Variants in THNSL1 observed in about 807,000 individuals in gnomAD.
THNSL1 encodes threonine synthase-like 1.
THNSL1 carries 48 observed loss-of-function variants against 50.4 expected under a neutral mutation model. The observed-to-expected ratio is 0.95, with a 90% CI of 0.76 to 1.21. The LOEUF (loss-of-function observed/expected upper bound fraction) is 1.21. Among genes scored for constraint, THNSL1 ranks in the 50% most tolerant of loss-of-function variants. THNSL1 has a pLI of 0.00. For missense variants in THNSL1, 896 were observed against 871.7 expected (o/e 1.03, Z -0.35); for synonymous variants, 309 against 306.1 (o/e 1.01, Z -0.10).
the THNSL1 span, among the ~76,000 whole-genome samples, chr10:24,995,005 C>T: frequency 6.6e-6 from 1 of 152,038 alleles, no homozygotes; most frequent in Non-Finnish European, 1.5e-5. Context: ...TGGGAAACAG[C>T]ATGAGAATAT....
At chr10:25,010,325 G>A in the THNSL1 span, among the ~76,000 whole-genome samples, 99 of 152,244 alleles carry the variant, frequency 6.5e-4, no homozygotes, top group Admixed American at 5.7e-3. Context: ...AGATGATTCC[G>A]GGCATCTGAT....
the THNSL1 span, among the ~76,000 whole-genome samples, chr10:24,990,987 C>A: frequency 6.6e-6 from 1 of 152,194 alleles, no homozygotes; most frequent in Non-Finnish European, 1.5e-5. Flanking sequence ...GTAGTCCCAG[C>A]TATTCGGGTG....
At chr10:24,955,512 G>A in the THNSL1 span, among the ~76,000 whole-genome samples, 2 of 152,198 alleles carry the variant, frequency 1.3e-5, no homozygotes, top group African/African-American at 4.8e-5. Context: ...ATGATGAGAT[G>A]AATGTGAGAT....
chr10:24,954,353 C>G, the THNSL1 span, among the ~76,000 whole-genome samples: 1 of 151,948 alleles, frequency 6.6e-6, no homozygotes, highest in Non-Finnish European at 1.5e-5. Flanking sequence ...TTAGGGGATT[C>G]CACTAGACCA....
chr10:25,000,218 C>G, the THNSL1 span, among the ~76,000 whole-genome samples: 2 of 152,032 alleles, frequency 1.3e-5, no homozygotes, highest in Non-Finnish European at 2.9e-5. Context: ...TTTGAATTTT[C>G]TGACATTTGT....
At chr10:24,952,752 A>G in the THNSL1 span, 4 of 615,718 alleles carry the variant, frequency 6.5e-6, no homozygotes, top group East Asian at 6.7e-5. This position sits in a 1 kb window ranked among gnomAD's most constrained non-coding sequence, Gnocchi z 5.1. Context: ...ACGCGGATCC[A>G]TGGCCCCGGC....
the THNSL1 span, among the ~76,000 whole-genome samples, chr10:24,978,485 C>A: frequency 6.7e-6 from 1 of 150,298 alleles, no homozygotes; most frequent in Non-Finnish European, 1.5e-5. Context: ...TCTCTGTCTT[C>A]TTTTCTTCTC....
At chr10:24,960,389 G>T in the THNSL1 span, among the ~76,000 whole-genome samples, 1 of 151,970 alleles carries the variant, frequency 6.6e-6, no homozygotes, top group East Asian at 1.9e-4. Flanking sequence ...AAGGAACTGG[G>T]TTCCTTGTGT....
At chr10:25,016,208 A>T, upstream of THNSL1, 5 of 1,161,768 alleles carry the variant, frequency 4.3e-6, no homozygotes, top group Non-Finnish European at 4.2e-6. Context: ...GGCAGGCAGC[A>T]CCGCAAACTA....
At chr10:25,016,441 A>G (rs1292657824), upstream of THNSL1, among the ~76,000 whole-genome samples, 1 of 152,244 alleles carries the variant, frequency 6.6e-6, no homozygotes, top group South Asian at 2.1e-4. Flanking sequence ...TTTTGTGAGC[A>G]GGCCCCAATC....
chr10:25,023,122 A>G (rs1272216067), intron 2 of THNSL1, 54 bp from the exon 3 acceptor site: 1 of 1,162,202 alleles, frequency 8.6e-7, no homozygotes, highest in Non-Finnish European at 1.2e-6. Flanking sequence ...ATCTACTGTA[A>G]TTAGTAACCA....
the THNSL1 span, among the ~76,000 whole-genome samples, chr10:24,959,891 A>G: frequency 7.9e-5 from 12 of 152,358 alleles, 4 homozygotes; most frequent in Admixed American, 7.2e-4. Context: ...TCGTAAAAAT[A>G]TATAATAGGA....
chr10:24,984,752 T>A, the THNSL1 span: 5 of 1,610,076 alleles, frequency 3.1e-6, no homozygotes, highest in Non-Finnish European at 4.2e-6. Flanking sequence ...GCAATATAAA[T>A]AATCTTGTGC....
intron 1 of THNSL1, among the ~76,000 whole-genome samples, chr10:25,020,570 C>T (rs1850699803): frequency 6.6e-6 from 1 of 151,860 alleles, no homozygotes; most frequent in African/African-American, 2.4e-5. Context: ...AGTTCGAGAT[C>T]AGTCTGGGCA....
the THNSL1 span, among the ~76,000 whole-genome samples, chr10:25,005,143 G>A: frequency 6.6e-6 from 1 of 152,112 alleles, no homozygotes; most frequent in Non-Finnish European, 1.5e-5. Context: ...CCAGTACCAT[G>A]CTGTTTTGGT....
At chr10:24,974,363 A>G in the THNSL1 span, among the ~76,000 whole-genome samples, 1 of 152,198 alleles carries the variant, frequency 6.6e-6, no homozygotes, top group Non-Finnish European at 1.5e-5. Flanking sequence ...GGGGATTGTA[A>G]TAATAAAATA....
At chr10:24,960,062 C>T in the THNSL1 span, among the ~76,000 whole-genome samples, 1 of 151,910 alleles carries the variant, frequency 6.6e-6, no homozygotes, top group Non-Finnish European at 1.5e-5. Flanking sequence ...CCCCCTTTCC[C>T]ATTTTTGCCA....
chr10:25,024,052 T>C lies in THNSL1; in HGVS notation c.829T>C (p.Cys277Arg), dbSNP rs1263643091. ...VPAKEFPKLS[C>R]GEWKSLVGAT... ...TGCAAAGGAGTTTCCAAAATTAAGC[T>C]GCGGGGAGTGGAAAAGCCTAGTAGG... Residue 277 changes from cysteine to arginine, a missense_variant, in exon 3 of 3, where the codon TGC (cysteine) becomes CGC (arginine). Coordinates refer to ENST00000376356, the MANE Select transcript of THNSL1 (RefSeq NM_024838.5). 1.2e-6 allele frequency: 2 copies of C among 1,614,160 alleles called. No individual in the cohort carries two copies. Among genetic ancestry groups the C allele is most frequent in the African/African-American group, 2.7e-5 (2 of 75,052 alleles).
At chr10:24,977,002 C>A in the THNSL1 span, among the ~76,000 whole-genome samples, 1 of 152,144 alleles carries the variant, frequency 6.6e-6, no homozygotes, top group African/African-American at 2.4e-5. Flanking sequence ...TATCCATAGC[C>A]CCTCTTCCAT....
Sources: allele counts gnomAD v4.1 joint callset (sites outside exome capture counted in the v4.1 genomes callset), GRCh38; gene constraint gnomAD v4.1.1; non-coding constraint Gnocchi (gnomAD v3.1); transcripts MANE v1.5; gene names NCBI Gene and HGNC (gene_info 2026-07-23, HGNC 2026-07-21).